COL28A1: variants seen among roughly 807,000 people sequenced by gnomAD.
The protein encoded by COL28A1 is collagen alpha-1(XXVIII) chain.
A neutral mutation model predicts 150.2 loss-of-function variants in COL28A1; 161 were observed. That is an observed-to-expected ratio of 1.07 (90% CI 0.94 to 1.22). COL28A1 has a LOEUF of 1.22. COL28A1 is among the 50% of genes most tolerant of loss of function. The pLI is 0.00. For synonymous variants in COL28A1, 552 were observed against 469.7 expected (o/e 1.18, Z -2.26); for missense variants, 1,617 against 1,388.3 (o/e 1.16, Z -2.62).
At chr7:7,464,950 C>G in intron 15 of COL28A1, among the ~76,000 whole-genome samples, 1 of 152,112 alleles carries the variant, frequency 6.6e-6, no homozygotes, top group East Asian at 1.9e-4. Flanking sequence ...AGAAACGAAA[C>G]AGGAGATTTA....
intron 3 of COL28A1, among the ~76,000 whole-genome samples, chr7:7,526,953 A>C (rs1782057861): frequency 6.6e-6 from 1 of 152,192 alleles, no homozygotes; most frequent in African/African-American, 2.4e-5. Flanking sequence ...CAATATCTTA[A>C]TCAATTTTTA....
At position 7,358,554 on chromosome 7, in the gene COL28A1, A is replaced by C; in HGVS notation, c.*79T>G. The C allele has an allele frequency of 7.8e-7, 1 of 1,283,594 alleles. No homozygotes were observed. Among genetic ancestry groups the C allele is most frequent in the Non-Finnish European group, 1.1e-6 (1 of 898,316 alleles). The allele number at this position is 1,283,594 out of a possible 1,614,324, so 79.5% of individuals were successfully genotyped here. A position where few individuals can be genotyped will look rare whatever the true frequency, so the allele number is the denominator to read the frequency against. On this transcript the variant is annotated 3_prime_UTR_variant, in exon 35 of 35. Coordinates refer to ENST00000399429, the MANE Select transcript of COL28A1 (RefSeq NM_001037763.3). ...AAATACTCAGTATACACTCAAATAT[A>C]GTGCTGTATTTGTATTGGGTGAATA...
chr7:7,359,398 ATTGTC>A (rs1728230813), intron 34 of COL28A1, among the ~76,000 whole-genome samples: 1 of 152,160 alleles, frequency 6.6e-6, no homozygotes, highest in Non-Finnish European at 1.5e-5. Flanking sequence ...CTAACGTCAT[ATTGTC>A]TTATCGTAGA....
chr7:7,353,624 A>G (rs574713636), downstream of COL28A1, among the ~76,000 whole-genome samples: 4 of 152,286 alleles, frequency 2.6e-5, no homozygotes, highest in South Asian at 2.1e-4. Flanking sequence ...AGAGGGTACC[A>G]CAAAGAAAGA....
At chr7:7,505,088 A>G (rs1332128471) in intron 11 of COL28A1, among the ~76,000 whole-genome samples, 1 of 152,172 alleles carries the variant, frequency 6.6e-6, no homozygotes, top group East Asian at 1.9e-4. Context: ...AGCCCATTCT[A>G]TTTTAATTTG....
intron 27 of COL28A1, among the ~76,000 whole-genome samples, chr7:7,405,988 T>C (rs532375100): frequency 6.6e-6 from 1 of 152,324 alleles, no homozygotes; most frequent in East Asian, 1.9e-4. Context: ...CCCTTAGCTT[T>C]ATTCATGTCA....
At chr7:7,492,766 A>C (rs77445534) in intron 11 of COL28A1, among the ~76,000 whole-genome samples, 2,080 of 151,658 alleles carry the variant, frequency 0.014, 40 homozygotes, top group African/African-American at 0.047. Flanking sequence ...TGATCCTTTG[A>C]TATTTAAGTG....
intron 6 of COL28A1, among the ~76,000 whole-genome samples, chr7:7,519,604 G>A (rs889699064): frequency 6.6e-6 from 1 of 152,132 alleles, no homozygotes; most frequent in African/African-American, 2.4e-5. Context: ...GGTACACAGA[G>A]AAAAGAATTC....
chr7:7,458,209 G>T (rs533345427), intron 15 of COL28A1, among the ~76,000 whole-genome samples: 2 of 152,162 alleles, frequency 1.3e-5, no homozygotes, highest in Non-Finnish European at 2.9e-5. Context: ...CTGAGATCGG[G>T]AGTTCGAGAC....
intron 13 of COL28A1, among the ~76,000 whole-genome samples, chr7:7,478,437 A>G (rs1451783699): frequency 6.6e-6 from 1 of 152,232 alleles, no homozygotes; most frequent in Non-Finnish European, 1.5e-5. Flanking sequence ...GCCGGACATA[A>G]AGGTTCTCCA....
At chr7:7,518,512 T>C (rs570385181) in intron 6 of COL28A1, among the ~76,000 whole-genome samples, 1 of 152,318 alleles carries the variant, frequency 6.6e-6, no homozygotes, top group South Asian at 2.1e-4. Context: ...AAAAACTTTC[T>C]AATAGGGCTG....
intron 27 of COL28A1, among the ~76,000 whole-genome samples, chr7:7,415,697 C>T (rs1784037585): frequency 6.6e-6 from 1 of 152,034 alleles, no homozygotes; most frequent in Non-Finnish European, 1.5e-5. Flanking sequence ...CCATGCCTGG[C>T]TAATTTTTGT....
chr7:7,360,425 C>T lies in COL28A1; in HGVS notation c.3170G>A (p.Arg1057Lys), dbSNP rs1258952355. 4.4e-6 allele frequency: 7 copies of T among 1,607,254 alleles called. No individual in the cohort carries two copies. Among genetic ancestry groups the T allele is most frequent in the Non-Finnish European group, 5.9e-6 (7 of 1,178,154 alleles). The change falls in exon 34 of 35, where the codon AGG (arginine) becomes AAG (lysine). Residue 1057 changes from arginine (R) to lysine (K), a missense_variant. Physicochemically the swap from Arg to Lys is conservative, Grantham distance 26. Transcript: ENST00000399429. The stretch of plus-strand genomic sequence containing the variant: ...ATCCACAGGGGTGCTGAGCAGTGGC[C>T]TGGGGGTGGTGGTGGCCTCAGATGA... ...TTSSEATTTP[R>K]PLLSTPVDGA...
Position 7,419,973 on chromosome 7 carries a change from A to G in COL28A1, c.1999-20T>C, listed in dbSNP as rs1784306172. 2 of 1,534,388 alleles carry G rather than the reference A, an allele frequency of 1.3e-6. No homozygotes were observed. Among genetic ancestry groups the G allele is most frequent in the African/African-American group, 2.9e-5 (2 of 69,666 alleles). On this transcript the variant is annotated intron_variant, in intron 25 of 34. Transcript: ENST00000399429. ...CTCTCCCTGAAAAGACACAACAAATAACAAGTTACTAATTTTTTAAAGACT... is the reference window on the plus strand; with the variant it reads ...CTCTCCCTGAAAAGACACAACAAATGACAAGTTACTAATTTTTTAAAGACT...
chr7:7,471,635 C>G (rs942054523), intron 15 of COL28A1, among the ~76,000 whole-genome samples: 1 of 152,184 alleles, frequency 6.6e-6, no homozygotes, highest in Admixed American at 6.5e-5. Context: ...TGGCTCACAC[C>G]TGTAATCCCA....
chr7:7,515,759 G>A (rs1192309943), intron 8 of COL28A1, 55 bp downstream of exon 8: 23 of 835,808 alleles, frequency 2.8e-5, no homozygotes, highest in Middle Eastern at 2.2e-4. Context: ...GTACACTTAT[G>A]TTTCTGTTTT....
At chr7:7,430,962 T>C (rs752851937) in intron 25 of COL28A1, among the ~76,000 whole-genome samples, 22 of 152,188 alleles carry the variant, frequency 1.4e-4, no homozygotes, top group East Asian at 3.8e-4. Flanking sequence ...TACATCCTCA[T>C]TGGACTCTCA....
At chr7:7,498,715 T>A (rs1780353433) in intron 11 of COL28A1, among the ~76,000 whole-genome samples, 1 of 152,158 alleles carries the variant, frequency 6.6e-6, no homozygotes. Flanking sequence ...TTGAAATAAA[T>A]AAGGACATTG....
chr7:7,518,992 T>C lies in COL28A1; in HGVS notation c.813+1070A>G, dbSNP rs1305088274. Among the ~76,000 whole-genome samples the C allele has an allele frequency of 2.0e-5, 3 of 152,226 alleles. No homozygotes were observed. The East Asian group carries it at 5.8e-4, about 29-fold the overall frequency. ...ACTGTAGAAATTAACCCAATGTCCA[T>C]TACATTTGATGCAAATATTTCCTGA... On this transcript the variant is annotated intron_variant, in intron 6 of 34. Coordinates refer to ENST00000399429, the MANE Select transcript of COL28A1 (RefSeq NM_001037763.3).
Sources: allele counts gnomAD v4.1 joint callset (sites outside exome capture counted in the v4.1 genomes callset), GRCh38; gene constraint gnomAD v4.1.1; transcripts MANE v1.5; gene names NCBI Gene and HGNC (gene_info 2026-07-23, HGNC 2026-07-21).